STARD9: variants seen among roughly 807,000 people sequenced by gnomAD.
STARD9 encodes StAR related lipid transfer domain containing 9, also known as stAR-related lipid transfer protein 9.
STARD9 carries 346 observed loss-of-function variants against 399.8 expected under a neutral mutation model. That is an observed-to-expected ratio of 0.87 (90% CI 0.79 to 0.95). The LOEUF (loss-of-function observed/expected upper bound fraction) is 0.95, where lower values mean the gene tolerates loss of function less well. Among genes scored for constraint, STARD9 ranks in the 40% least tolerant of loss-of-function variants. The pLI is 0.00. For synonymous variants in STARD9, 2,203 were observed against 2,143.5 expected (o/e 1.03, Z -0.77); for missense variants, 5,832 against 5,667.5 (o/e 1.03, Z -0.93).
chr15:42,690,211 A>C lies in STARD9; in HGVS notation c.8633A>C (p.Glu2878Ala). 2 of 1,537,666 alleles carry C rather than the reference A, an allele frequency of 1.3e-6. No individual in the cohort carries two copies. The highest frequency in any genetic ancestry group is 1.7e-6 in the Non-Finnish European group (2 of 1,147,004). ...APTQQCVQCK[E>A]SVGSGLTEVC... ...ACACAGCAGTGTGTGCAGTGTAAGGAGAGTGTTGGGTCTGGGTTGACAGAA... is the reference window on the plus strand; with the variant it reads ...ACACAGCAGTGTGTGCAGTGTAAGGCGAGTGTTGGGTCTGGGTTGACAGAA... Residue 2878 changes from glutamate to alanine, a missense_variant, in exon 23 of 33, where the codon GAG (glutamate) becomes GCG (alanine). Glu to Ala is a moderately radical substitution (Grantham distance 107). This residue lies in a region of STARD9 where 5,828 missense variants were observed against 5,651.1 expected (regional missense o/e 1.03). Coordinates refer to ENST00000290607, the MANE Select transcript of STARD9 (RefSeq NM_020759.3).
chr15:42,605,026 A>G (rs888537807), intron 3 of STARD9, among the ~76,000 whole-genome samples: 1 of 152,184 alleles, frequency 6.6e-6, no homozygotes, highest in African/African-American at 2.4e-5. Context: ...GTGCTGTTTC[A>G]TGTACATAAA....
chr15:42,652,491 G>A (rs759679262), intron 8 of STARD9, 29 bp from the exon 9 acceptor site: 225 of 1,527,742 alleles, frequency 1.5e-4, no homozygotes, highest in Admixed American at 7.5e-4. Flanking sequence ...AACAATCCTC[G>A]TCCTAACAGT....
In STARD9 at chr15:42,580,051, A is replaced by G. The variant is rs538013399; in HGVS notation, c.48-3295A>G. On this transcript the variant is annotated intron_variant, in intron 1 of 32. Transcript: ENST00000290607. ...AAGCAGGGAGGAATGGCAGAAGAAG[A>G]GCAAGACTGGTTATCAAGGGCTCTC... Among the ~76,000 whole-genome samples the G allele has an allele frequency of 8.5e-5, 13 of 152,342 alleles. No homozygotes were observed. The South Asian group carries it at 2.7e-3, about 32-fold the overall frequency.
chr15:42,712,827 C>T (rs1213809548), intron 26 of STARD9, among the ~76,000 whole-genome samples: 1 of 152,184 alleles, frequency 6.6e-6, no homozygotes, highest in East Asian at 1.9e-4. Flanking sequence ...CTGTTGCACC[C>T]AGCCTCACAC....
chr15:42,703,349 G>GT (rs2061006703), intron 26 of STARD9, among the ~76,000 whole-genome samples: 1 of 139,544 alleles, frequency 7.2e-6, no homozygotes, highest in Non-Finnish European at 1.5e-5. Context: ...TCGTACATTT[G>GT]TTTTTTTTGT....
intron 3 of STARD9, among the ~76,000 whole-genome samples, chr15:42,623,097 C>G (rs937706449): frequency 6.6e-6 from 1 of 152,130 alleles, no homozygotes; most frequent in African/African-American, 2.4e-5. Flanking sequence ...ACTAAAAATA[C>G]AAAAATTAGC....
chr15:42,679,540 A>G (rs986288302), intron 20 of STARD9, among the ~76,000 whole-genome samples: 2 of 152,044 alleles, frequency 1.3e-5, no homozygotes, highest in African/African-American at 4.8e-5. Flanking sequence ...TCCCACTCCC[A>G]TTCCCCCGGG....
chr15:42,588,322 G>A (rs1400017340), intron 3 of STARD9, among the ~76,000 whole-genome samples: 3 of 152,056 alleles, frequency 2.0e-5, no homozygotes, highest in Non-Finnish European at 2.9e-5. Context: ...TAAAAATCTA[G>A]TGAAAGCCCA....
rs1163571679 is a variant in STARD9, at chr15:42,686,579, T to C, written c.5001T>C (p.His1667=). 1 of 1,537,322 alleles carries C rather than the reference T, an allele frequency of 6.5e-7. No individual in the cohort carries two copies. The highest frequency in any genetic ancestry group is 1.4e-5 in the African/African-American group (1 of 73,008). The change falls in exon 23 of 33, where the codon CAT becomes CAC. Residue 1667 remains histidine, a synonymous_variant. Coordinates refer to ENST00000290607, the MANE Select transcript of STARD9 (RefSeq NM_020759.3). The part of the protein sequence containing the change: ...SNVTTATKAD[H]WSQGWAPLRK... The stretch of plus-strand genomic sequence containing the variant: ...TCACTACAGCCACCAAAGCAGACCA[T>C]TGGTCCCAAGGCTGGGCTCCTCTCA...
chr15:42,633,527 C>A (rs1262507605), intron 3 of STARD9, among the ~76,000 whole-genome samples: 1 of 152,114 alleles, frequency 6.6e-6, no homozygotes, highest in Non-Finnish European at 1.5e-5. Flanking sequence ...CTATTGGATC[C>A]TTGATGCCAG....
chr15:42,671,561 GA>G (rs1218430437), intron 16 of STARD9: 2 of 152,154 alleles, frequency 1.3e-5, no homozygotes, highest in East Asian at 1.9e-4. Context: ...ACATAAGGGA[GA>G]GGGGGGAAGG....
chr15:42,684,363 G>T lies in STARD9; in HGVS notation c.2785G>T (p.Val929Phe). Residue 929 changes from valine (V) to phenylalanine (F), a missense_variant, in exon 23 of 33, where the codon GTT (valine) becomes TTT (phenylalanine). Around this residue, in one of 2 missense-constraint regions of STARD9, gnomAD observed 5,828 missense variants for 5,651.1 expected, o/e 1.03. Transcript: ENST00000290607. ...DACLTMSPNSVGIQEMEMGVK... is the reference protein window; with the variant it reads ...DACLTMSPNSFGIQEMEMGVK... ...TTGCCTCACCATGAGTCCCAACTCT[G>T]TTGGCATCCAGGAAATGGAGATGGG... 6.5e-7 allele frequency: 1 copy of T among 1,536,980 alleles called. No homozygotes were observed. The highest frequency in any genetic ancestry group is 1.2e-5 in the South Asian group (1 of 84,024).
chr15:42,715,496 C>T (rs1443921251), intron 26 of STARD9, among the ~76,000 whole-genome samples: 2 of 151,166 alleles, frequency 1.3e-5, no homozygotes, highest in African/African-American at 2.4e-5. Context: ...ACATGGGCAA[C>T]AGGGTGAGAT....
intron 3 of STARD9, among the ~76,000 whole-genome samples, chr15:42,606,197 A>T (rs555617771): frequency 6.6e-6 from 1 of 152,168 alleles, no homozygotes; most frequent in African/African-American, 2.4e-5. Context: ...TGTTTTACAG[A>T]TGTGCTTACT....
At chr15:42,702,656 A>G (rs2060991923) in intron 26 of STARD9, among the ~76,000 whole-genome samples, 1 of 152,176 alleles carries the variant, frequency 6.6e-6, no homozygotes, top group African/African-American at 2.4e-5. Context: ...TGCTTGTTAC[A>G]CATTAGCATC....
chr15:42,658,061 G>C (rs1333382408), intron 9 of STARD9, among the ~76,000 whole-genome samples: 1 of 152,196 alleles, frequency 6.6e-6, no homozygotes, highest in Non-Finnish European at 1.5e-5. Flanking sequence ...ATTAGGCGAA[G>C]GTTTTATAGA....
intron 3 of STARD9, among the ~76,000 whole-genome samples, chr15:42,623,428 A>G (rs1566881962): frequency 2.0e-5 from 3 of 152,118 alleles, no homozygotes; most frequent in Admixed American, 1.3e-4. Context: ...CTCTCCAACT[A>G]TATGATAAGT....
intron 1 of STARD9, among the ~76,000 whole-genome samples, chr15:42,580,093 T>TA (rs1469263365): frequency 1.3e-5 from 2 of 152,120 alleles, no homozygotes; most frequent in African/African-American, 4.8e-5. Flanking sequence ...TGTACAGAGT[T>TA]AAAAATACCT....
intron 9 of STARD9, among the ~76,000 whole-genome samples, chr15:42,654,170 AG>A (rs1227564484): frequency 1.3e-5 from 2 of 152,198 alleles, no homozygotes; most frequent in African/African-American, 2.4e-5. Context: ...AGTTAAAGGC[AG>A]TGGAGGAAGA....
Sources: gnomAD v4.1 joint callset for allele counts (sites outside exome capture counted in the v4.1 genomes callset) on GRCh38, gnomAD v4.1.1 for gene constraint, gnomAD v4.1.1 regional missense constraint, MANE v1.5 for transcripts, NCBI Gene and HGNC (gene_info 2026-07-23, HGNC 2026-07-21) for gene names.